The following DCDC1 variants were observed in gnomAD, a reference collection of about 807,000 sequenced individuals.
DCDC1 encodes the protein doublecortin domain-containing protein 1.
Under a neutral mutation model 178.3 loss-of-function variants are expected in DCDC1, and 200 were observed. The observed-to-expected ratio is 1.12, with a 90% CI of 1.00 to 1.26. DCDC1 has a LOEUF of 1.26. Ranked by LOEUF, DCDC1 falls within the 50% of genes most tolerant of loss-of-function variation. The pLI is 0.00. For synonymous variants in DCDC1, 690 were observed against 604.8 expected (o/e 1.14, Z -2.07); for missense variants, 1,983 against 1,749.2 (o/e 1.13, Z -2.38).
chr11:31,160,844 C>A (rs1380631303), intron 9 of DCDC1, among the ~76,000 whole-genome samples: 2 of 152,126 alleles, frequency 1.3e-5, no homozygotes, highest in East Asian at 3.8e-4. Context: ...TCCTTATGCT[C>A]TTGAATTAAC....
At chr11:31,232,108 A>G (rs1975844060) in intron 9 of DCDC1, among the ~76,000 whole-genome samples, 1 of 152,206 alleles carries the variant, frequency 6.6e-6, no homozygotes, top group Non-Finnish European at 1.5e-5. Flanking sequence ...AAATAAAGTT[A>G]CACATACAAT....
At chr11:31,333,281 C>T (rs1019179089) in intron 2 of DCDC1, among the ~76,000 whole-genome samples, 3 of 152,114 alleles carry the variant, frequency 2.0e-5, no homozygotes, top group African/African-American at 4.8e-5. Context: ...TGTGTCTCTC[C>T]ACATGAGATG....
chr11:30,871,947 T>G (rs950083654), intron 38 of DCDC1, among the ~76,000 whole-genome samples: 2 of 151,930 alleles, frequency 1.3e-5, no homozygotes, highest in African/African-American at 4.8e-5. Flanking sequence ...CACACATACA[T>G]ATATATACAT....
chr11:31,235,771 G>C (rs1976379018), intron 9 of DCDC1, among the ~76,000 whole-genome samples: 3 of 151,818 alleles, frequency 2.0e-5, no homozygotes, highest in Admixed American at 1.3e-4. Flanking sequence ...CAGTTTTTAA[G>C]TTAAAAATAT....
At chr11:31,315,333 T>G (rs1399543341) in intron 3 of DCDC1, among the ~76,000 whole-genome samples, 5 of 111,290 alleles carry the variant, frequency 4.5e-5, no homozygotes, top group African/African-American at 8.0e-5. Flanking sequence ...TTTTTTTTTT[T>G]TTGAGACAGA....
At chr11:31,121,257 A>C (rs544283981) in intron 11 of DCDC1, among the ~76,000 whole-genome samples, 138 of 151,984 alleles carry the variant, frequency 9.1e-4, no homozygotes, top group African/African-American at 3.0e-3. Context: ...AGTGCACATG[A>C]AAATGACGTG....
At chr11:31,095,320 G>A (rs980848977) in intron 15 of DCDC1, among the ~76,000 whole-genome samples, 4 of 152,078 alleles carry the variant, frequency 2.6e-5, no homozygotes, top group Non-Finnish European at 5.9e-5. Flanking sequence ...GGATTGCTGG[G>A]TCAATGGCAT....
At chr11:31,069,906 T>C (rs1459240755) in intron 18 of DCDC1, among the ~76,000 whole-genome samples, 1 of 152,314 alleles carries the variant, frequency 6.6e-6, no homozygotes, top group East Asian at 1.9e-4. Flanking sequence ...AACATTCTGC[T>C]AGACACTGCA....
At chr11:31,009,434 T>A (rs1431047339) in intron 20 of DCDC1, among the ~76,000 whole-genome samples, 1 of 130,014 alleles carries the variant, frequency 7.7e-6, no homozygotes. Flanking sequence ...GTCTCACAGT[T>A]TCTTTGTGTG....
intron 38 of DCDC1, among the ~76,000 whole-genome samples, chr11:30,873,391 A>G (rs2133935077): frequency 6.6e-6 from 1 of 150,494 alleles, no homozygotes; most frequent in African/African-American, 2.4e-5. Context: ...AGAGAGAACA[A>G]ACTGGTATAT....
intron 8 of DCDC1, among the ~76,000 whole-genome samples, chr11:31,260,963 A>C (rs746985944): frequency 6.6e-6 from 1 of 152,224 alleles, no homozygotes; most frequent in Non-Finnish European, 1.5e-5. Context: ...GCTTTGTCCT[A>C]AACAAAGGAA....
intron 9 of DCDC1, among the ~76,000 whole-genome samples, chr11:31,203,126 G>A (rs1173075768): frequency 1.3e-5 from 2 of 151,744 alleles, no homozygotes; most frequent in Admixed American, 6.6e-5. Flanking sequence ...TGCCAAAGCA[G>A]ATAAAAAAAT....
At chr11:31,012,557 A>T (rs1952236945) in intron 20 of DCDC1, among the ~76,000 whole-genome samples, 1 of 151,616 alleles carries the variant, frequency 6.6e-6, no homozygotes, top group Admixed American at 6.6e-5. Flanking sequence ...GTAAGCTGTG[A>T]CTGTGCCATT....
chr11:31,355,470 C>A (rs891240113), intron 1 of DCDC1, among the ~76,000 whole-genome samples: 2 of 152,142 alleles, frequency 1.3e-5, no homozygotes, highest in Admixed American at 6.5e-5. Context: ...CCTCTTTTCC[C>A]AATCTCTGTC....
At chr11:31,129,822 T>TA (rs1435799409) in intron 10 of DCDC1, among the ~76,000 whole-genome samples, 1 of 152,072 alleles carries the variant, frequency 6.6e-6, no homozygotes, top group African/African-American at 2.4e-5. Context: ...TTAAACCACC[T>TA]AGCTGCTCCT....
At chr11:31,295,382 C>T (rs76357884) in intron 6 of DCDC1, among the ~76,000 whole-genome samples, 1 of 152,276 alleles carries the variant, frequency 6.6e-6, no homozygotes, top group East Asian at 1.9e-4. Flanking sequence ...GGTGCCCCCC[C>T]AAGGTGCCTT....
chr11:31,140,752 A>C (rs2136022176), intron 9 of DCDC1, among the ~76,000 whole-genome samples: 1 of 152,328 alleles, frequency 6.6e-6, no homozygotes, highest in East Asian at 1.9e-4. Flanking sequence ...CAGTTAGTTT[A>C]GAAACTAAGG....
intron 20 of DCDC1, among the ~76,000 whole-genome samples, chr11:31,060,062 T>C (rs1214948102): frequency 3.3e-5 from 5 of 152,032 alleles, no homozygotes; most frequent in Non-Finnish European, 5.9e-5. Context: ...AAAAAGCATG[T>C]CACTTCTTTC....
rs1002959931 is a variant in DCDC1 at position 31,242,894 on chromosome 11, C to T, written c.1055-1278G>A. Among the ~76,000 whole-genome samples the T allele has an allele frequency of 2.6e-5, 4 of 151,950 alleles. No individual in the cohort carries two copies. The East Asian group carries it at 7.8e-4, about 29-fold the overall frequency. On this transcript the variant is annotated intron_variant, in intron 8 of 38. Transcript: ENST00000684477. ...TTTAAAGTCTGTCTAATACGTTCAACACTAAGGAGAATGTTGAAAACAGGG... is the reference window on the plus strand; with the variant it reads ...TTTAAAGTCTGTCTAATACGTTCAATACTAAGGAGAATGTTGAAAACAGGG...
Sources: allele counts gnomAD v4.1 joint callset (sites outside exome capture counted in the v4.1 genomes callset), GRCh38; gene constraint gnomAD v4.1.1; transcripts MANE v1.5; gene names NCBI Gene and HGNC (gene_info 2026-07-23, HGNC 2026-07-21).